The following F5 variants were observed in gnomAD, a reference collection of about 807,000 sequenced individuals.
The protein encoded by F5 is coagulation factor V.
A neutral mutation model predicts 216.4 loss-of-function variants in F5; 138 were observed. The observed-to-expected ratio is 0.64, with a 90% CI of 0.56 to 0.73. F5 has a LOEUF of 0.73. Among genes scored for constraint, F5 ranks in the 30% least tolerant of loss-of-function variants. F5 has a pLI of 0.00. For missense variants in F5, 2,403 were observed against 2,674.0 expected, an observed-to-expected ratio of 0.90 and a Z score of 2.24; for synonymous variants, 916 against 930.7, an observed-to-expected ratio of 0.98 and a Z score of 0.29.
chr1:169,549,670 G>A, intron 10 of F5, 131 bp downstream of exon 10: 1 of 675,746 alleles, frequency 1.5e-6, no homozygotes, highest in Non-Finnish European at 2.6e-6. Flanking sequence ...TCACACTGGT[G>A]CTAAAAAGGA....
In F5 at chr1:169,525,938, T is replaced by C; in HGVS notation, c.5679A>G (p.Arg1893=). The C allele has an allele frequency of 6.2e-7, 1 of 1,613,376 alleles. No homozygotes were observed. Among genetic ancestry groups the C allele is most frequent in the Non-Finnish European group, 8.5e-7 (1 of 1,179,430 alleles). Reference sequence around the variant, plus strand: ...TAAGAAATGGCGTTTGCATCCCTGCTCTCTGGTTTTCTCCAACCTCTGTGT... The same window carrying C: ...TAAGAAATGGCGTTTGCATCCCTGCCCTCTGGTTTTCTCCAACCTCTGTGT... ...LLNTEVGENQ[R]AGMQTPFLIM... is the part of the protein sequence containing the mutation. Residue 1893 remains arginine, a synonymous_variant, in exon 18 of 25, where the codon AGA becomes AGG. Coordinates refer to ENST00000367797, the MANE Select transcript of F5 (RefSeq NM_000130.5).
At chr1:169,584,279 T>A (rs1661052508) in intron 1 of F5, among the ~76,000 whole-genome samples, 1 of 151,710 alleles carries the variant, frequency 6.6e-6, no homozygotes, top group African/African-American at 2.4e-5. Flanking sequence ...GAAAATAATC[T>A]ATCTGATTAA....
intron 17 of F5, 86 bp downstream of exon 17, chr1:169,527,829 G>A: frequency 6.6e-7 from 1 of 1,523,444 alleles, no homozygotes; most frequent in East Asian, 2.3e-5. Flanking sequence ...GGAAGTATAT[G>A]CACAAGGAAG....
rs1481844874 is a variant in F5, at chr1:169,529,482, T to G, written c.5419+126A>C. ...GCCCTCTGGAATGTTAAGGAACCGG[T>G]TTTAGTTGTAGCTCTGGGTGTCTCA... On this transcript the variant is annotated intron_variant, in intron 16 of 24. Transcript: ENST00000367797. 1.3e-5 allele frequency: 11 copies of G among 867,166 alleles called. No individual in the cohort carries two copies. The East Asian group carries it at 2.9e-4, about 23-fold the overall frequency. The allele number at this position is 867,166 out of a possible 1,614,324, so 53.7% of individuals were successfully genotyped here. A position where few individuals can be genotyped will look rare whatever the true frequency, so the allele number is the denominator to read the frequency against.
At chr1:169,583,687 G>T (rs1661038019) in intron 1 of F5, among the ~76,000 whole-genome samples, 1 of 152,208 alleles carries the variant, frequency 6.6e-6, no homozygotes, top group Non-Finnish European at 1.5e-5. Context: ...AATGTAATAA[G>T]AGTTAGTCTT....
Position 169,550,659 on chromosome 1 carries a change from G to T in F5, c.1377C>A (p.Val459=). The part of the protein sequence containing the change: ...GVTFSPYEDE[V]NSSFTSGRNN... ...TCAAACCTGAGGTGAAAGAAGAGTT[G>T]ACTTCATCTTCATAAGGCGAGAAGG... Residue 459 remains valine, a synonymous_variant, in exon 9 of 25, where the codon GTC becomes GTA. Transcript: ENST00000367797. 2 of 1,613,632 alleles carry T rather than the reference G, an allele frequency of 1.2e-6. No homozygotes were observed. The highest frequency in any genetic ancestry group is 1.1e-5 in the South Asian group (1 of 91,058).
intron 8 of F5, 83 bp from the exon 9 acceptor site, chr1:169,550,822 T>C: frequency 9.7e-7 from 1 of 1,030,484 alleles, no homozygotes; most frequent in East Asian, 2.5e-5. Context: ...CATATTCACC[T>C]TTTGGATGGT....
At chr1:169,578,621 A>G (rs1462459651) in intron 2 of F5, among the ~76,000 whole-genome samples, 1 of 152,160 alleles carries the variant, frequency 6.6e-6, no homozygotes, top group East Asian at 1.9e-4. Context: ...TTCCCACCTT[A>G]TATTCCCTTC....
chr1:169,542,020 G>T lies in F5; in HGVS notation c.3070C>A (p.Gln1024Lys). ...TTTTTTCGTGTCTTAATGAGAAACT[G>T]GCTTTTCTTCAGTCTACTCTTTCCT... is the stretch of plus-strand genomic sequence containing the variant. Reference protein sequence around the residue: ...DGGKSRLKKSQFLIKTRKKKK... With the variant: ...DGGKSRLKKSKFLIKTRKKKK... The change falls in exon 13 of 25, where the codon CAG (glutamine) becomes AAG (lysine). Residue 1024 changes from glutamine (Q) to lysine (K), a missense_variant. This residue lies in a region of F5 where 1,425 missense variants were observed against 1,554.8 expected (regional missense o/e 0.92). Coordinates refer to ENST00000367797, the MANE Select transcript of F5 (RefSeq NM_000130.5). 1 of 1,614,004 alleles carries T rather than the reference G, an allele frequency of 6.2e-7. No individual in the cohort carries two copies. The highest frequency in any genetic ancestry group is 1.1e-5 in the South Asian group (1 of 91,080).
In F5 at chr1:169,514,432, C is replaced by T; in HGVS notation, c.6556G>A (p.Gly2186Arg). The stretch of plus-strand genomic sequence containing the variant: ...GGGTTGAAAAAGTTCTTCACATGTC[C>T]TTTGGTATTAGTATTTCCTTCAAAA... ...KIFEGNTNTK[G>R]HVKNFFNPPI... Residue 2186 changes from glycine (G) to arginine (R), a missense_variant, in exon 25 of 25, where the codon GGA becomes AGA. Coordinates refer to ENST00000367797, the MANE Select transcript of F5 (RefSeq NM_000130.5). 11 of 1,613,076 alleles carry T rather than the reference C, an allele frequency of 6.8e-6. No homozygotes were observed. Among genetic ancestry groups the T allele is most frequent in the Non-Finnish European group, 9.3e-6 (11 of 1,179,442 alleles).
rs113847605 is a variant in F5, at chr1:169,572,133, G to A, written c.373+88C>T. On this transcript the variant is annotated intron_variant, in intron 3 of 24. Transcript: ENST00000367797. ...TTGCAAGAGATTTCCCTAACAACACGTGGTTAACAGTATAGTTTTAAATGT... is the reference window on the plus strand; with the variant it reads ...TTGCAAGAGATTTCCCTAACAACACATGGTTAACAGTATAGTTTTAAATGT... The A allele has an allele frequency of 2.4e-3, 3,168 of 1,342,058 alleles. 61 individuals carry two copies. In the African/African-American group the frequency reaches 0.04, roughly 17 times the overall value. 83.1% of individuals were successfully genotyped at this position (1,342,058 alleles called of 1,614,324 possible). A position where few individuals can be genotyped will look rare whatever the true frequency, so the allele number is the denominator to read the frequency against.
intron 2 of F5, among the ~76,000 whole-genome samples, chr1:169,574,927 G>GAT (rs1156782501): frequency 1.3e-5 from 2 of 152,112 alleles, no homozygotes; most frequent in African/African-American, 4.8e-5. Context: ...GAGTAAAATA[G>GAT]ATACACCCAC....
At chr1:169,569,856 G>T (rs532912689) in intron 3 of F5, among the ~76,000 whole-genome samples, 211 of 152,138 alleles carry the variant, frequency 1.4e-3, no homozygotes, top group African/African-American at 4.7e-3. Context: ...GGATTCTCAT[G>T]TAACTGGCTC....
chr1:169,524,742 T>C, intron 19 of F5, 95 bp downstream of exon 19: 1 of 1,059,526 alleles, frequency 9.4e-7, no homozygotes, highest in Non-Finnish European at 1.5e-6. Context: ...AGAGAAAAAC[T>C]GATTCATAGA....
chr1:169,559,900 C>T (rs9287093), intron 4 of F5, among the ~76,000 whole-genome samples: 41,550 of 98,612 alleles, frequency 0.42, 6,027 homozygotes, highest in East Asian at 0.54. Context: ...ATGGCCTGAG[C>T]GTGTATGTAT....
Position 169,541,002 on chromosome 1 carries a change from T to A in F5, c.4088A>T (p.His1363Leu). ...GQMPLSPDPS[H>L]TTLSLDLSQT... ...GCTGAGGTCTAGAGAAAGGGTTGTATGGCTGGGGTCTGGAGAAAGGGGCAT... is the reference window on the plus strand; with the variant it reads ...GCTGAGGTCTAGAGAAAGGGTTGTAAGGCTGGGGTCTGGAGAAAGGGGCAT... The change falls in exon 13 of 25, where the codon CAT becomes CTT. Residue 1363 changes from histidine to leucine, a missense_variant. Coordinates refer to ENST00000367797, the MANE Select transcript of F5 (RefSeq NM_000130.5). 1 of 1,591,394 alleles carries A rather than the reference T, an allele frequency of 6.3e-7. No homozygotes were observed. The highest frequency in any genetic ancestry group is 1.1e-5 in the South Asian group (1 of 90,244).
intron 5 of F5, among the ~76,000 whole-genome samples, chr1:169,558,623 A>AT (rs1484682010): frequency 1.3e-5 from 2 of 152,148 alleles, no homozygotes; most frequent in Non-Finnish European, 2.9e-5. Context: ...GGAATTAGTT[A>AT]TTTTTTCTCT....
chr1:169,546,720 G>C, intron 10 of F5, 128 bp from the exon 11 acceptor site: 1 of 828,994 alleles, frequency 1.2e-6, no homozygotes, highest in Non-Finnish European at 2.0e-6. Flanking sequence ...AAGCAATAGG[G>C]AAAGGATTCT....
chr1:169,516,132 A>ACTT (rs1447820895), intron 23 of F5, among the ~76,000 whole-genome samples: 3 of 152,138 alleles, frequency 2.0e-5, no homozygotes, highest in Admixed American at 2.0e-4. Flanking sequence ...ACAAAACACA[A>ACTT]CTTCTCTTTC....
Sources: allele counts gnomAD v4.1 joint callset (sites outside exome capture counted in the v4.1 genomes callset), GRCh38; gene constraint gnomAD v4.1.1; regional missense constraint gnomAD v4.1.1; transcripts MANE v1.5; gene names NCBI Gene and HGNC (gene_info 2026-07-23, HGNC 2026-07-21).